Variants in RBMS3 observed in about 807,000 individuals in gnomAD.
The protein encoded by RBMS3 is RNA binding motif single stranded interacting protein 3, also known as RNA-binding motif, single-stranded-interacting protein 3.
A neutral mutation model predicts 66.8 loss-of-function variants in RBMS3; 27 were observed. That is an observed-to-expected ratio of 0.40 (90% CI 0.30 to 0.56). The LOEUF (loss-of-function observed/expected upper bound fraction) is 0.56. RBMS3 is among the 20% of genes least tolerant of loss of function. RBMS3 has a pLI of 0.40. For synonymous variants in RBMS3, 188 were observed against 183.0 expected (o/e 1.03, Z -0.22); for missense variants, 513 against 549.5 (o/e 0.93, Z 0.66).
At chr3:29,853,734 TAGTC>T (rs1349307470) in intron 6 of RBMS3, among the ~76,000 whole-genome samples, 2 of 152,172 alleles carry the variant, frequency 1.3e-5, no homozygotes, top group African/African-American at 2.4e-5. Context: ...TAGGGATTCT[TAGTC>T]AGCCTAGGAA....
chr3:29,984,305 A>G (rs1444808786), intron 12 of RBMS3, among the ~76,000 whole-genome samples: 3 of 151,824 alleles, frequency 2.0e-5, no homozygotes, highest in African/African-American at 7.3e-5. Context: ...CTAGTCAGCA[A>G]TTCCTCTAGC....
At chr3:29,745,365 ACAGT>A (rs1169502224) in intron 5 of RBMS3, among the ~76,000 whole-genome samples, 2 of 152,164 alleles carry the variant, frequency 1.3e-5, no homozygotes, top group Non-Finnish European at 2.9e-5. Flanking sequence ...GGGAATGCTG[ACAGT>A]CAGCCCCACT....
At chr3:29,534,350 T>C (rs1215334239) in intron 3 of RBMS3, among the ~76,000 whole-genome samples, 3 of 152,186 alleles carry the variant, frequency 2.0e-5, no homozygotes, top group African/African-American at 7.2e-5. Context: ...GCCTCCAAAA[T>C]TGGTAACTGA....
At chr3:29,855,716 C>T (rs1014063389) in intron 6 of RBMS3, among the ~76,000 whole-genome samples, 1 of 152,166 alleles carries the variant, frequency 6.6e-6, no homozygotes, top group Non-Finnish European at 1.5e-5. Context: ...TATCCAATGT[C>T]GGACTGAATT....
chr3:29,517,330 GT>G (rs58410966), intron 3 of RBMS3, among the ~76,000 whole-genome samples: 10 of 108,522 alleles, frequency 9.2e-5, no homozygotes, highest in African/African-American at 2.4e-4. Flanking sequence ...TTTTTTTTTT[GT>G]TTTTTTTTTG....
chr3:29,909,849 C>T (rs1040636939), intron 10 of RBMS3, among the ~76,000 whole-genome samples: 3 of 152,012 alleles, frequency 2.0e-5, no homozygotes, highest in Non-Finnish European at 4.4e-5. Context: ...TACTAACAAC[C>T]TTTAAAATGA....
At chr3:29,800,873 G>T (rs1213221457) in intron 6 of RBMS3, among the ~76,000 whole-genome samples, 1 of 151,816 alleles carries the variant, frequency 6.6e-6, no homozygotes, top group African/African-American at 2.4e-5. Flanking sequence ...AATTTTCCCA[G>T]TTCATGTGAC....
At chr3:29,454,271 T>G (rs2042108409) in intron 2 of RBMS3, among the ~76,000 whole-genome samples, 1 of 152,132 alleles carries the variant, frequency 6.6e-6, no homozygotes, top group South Asian at 2.1e-4. Flanking sequence ...GGGCACAGCA[T>G]ATTTAGAAAG....
At chr3:29,728,413 C>T (rs11710031) in intron 4 of RBMS3, among the ~76,000 whole-genome samples, 17,628 of 152,024 alleles carry the variant, frequency 0.12, 1,076 homozygotes, top group Middle Eastern at 0.24. Flanking sequence ...CAAATGATGC[C>T]GGCAATCGTG....
chr3:29,532,244 A>ATG (rs10560463), intron 3 of RBMS3, among the ~76,000 whole-genome samples: 3 of 114,740 alleles, frequency 2.6e-5, no homozygotes, highest in East Asian at 5.8e-4. Flanking sequence ...TCGCATATAT[A>ATG]TGTATATATA....
chr3:29,442,985 A>C (rs925654508), intron 2 of RBMS3, among the ~76,000 whole-genome samples: 4 of 152,106 alleles, frequency 2.6e-5, no homozygotes, highest in Non-Finnish European at 4.4e-5. Context: ...AACATCAGCT[A>C]TTCTAATGAC....
chr3:29,620,127 G>A (rs1009230362), intron 4 of RBMS3, among the ~76,000 whole-genome samples: 1 of 152,068 alleles, frequency 6.6e-6, no homozygotes, highest in Non-Finnish European at 1.5e-5. Flanking sequence ...AAAACAAATG[G>A]AAAATTTTGG....
chr3:29,529,088 G>A (rs1245304844), intron 3 of RBMS3, among the ~76,000 whole-genome samples: 1 of 152,024 alleles, frequency 6.6e-6, no homozygotes, highest in Non-Finnish European at 1.5e-5. Flanking sequence ...ATAGTCATTT[G>A]CTCTTATGTT....
intron 6 of RBMS3, among the ~76,000 whole-genome samples, chr3:29,815,719 G>T (rs1559700743): frequency 6.6e-6 from 1 of 152,128 alleles, no homozygotes; most frequent in Non-Finnish European, 1.5e-5. Flanking sequence ...TCACTTATAA[G>T]TGGGAGCTAA....
At chr3:29,754,988 A>G (rs2149371349) in intron 5 of RBMS3, among the ~76,000 whole-genome samples, 1 of 152,304 alleles carries the variant, frequency 6.6e-6, no homozygotes, top group South Asian at 2.1e-4. Context: ...AATGTTGCAT[A>G]TCTCACATAG....
chr3:29,598,591 C>A (rs1193239248), intron 4 of RBMS3, among the ~76,000 whole-genome samples: 2 of 152,020 alleles, frequency 1.3e-5, no homozygotes, highest in East Asian at 3.9e-4. Context: ...AACACACAAA[C>A]AAATACATAT....
chr3:29,969,821 G>A (rs1697110720), intron 12 of RBMS3, among the ~76,000 whole-genome samples: 1 of 152,068 alleles, frequency 6.6e-6, no homozygotes, highest in Admixed American at 6.5e-5. Context: ...TGAGTTGTAA[G>A]AAAAAAATGC....
intron 5 of RBMS3, among the ~76,000 whole-genome samples, chr3:29,750,221 A>T (rs1324344742): frequency 1.3e-5 from 2 of 152,162 alleles, no homozygotes; most frequent in African/African-American, 4.8e-5. Flanking sequence ...CAAAAGTAAG[A>T]TCTCTAAATT....
At chr3:29,824,670 A>T (rs1433157092) in intron 6 of RBMS3, among the ~76,000 whole-genome samples, 1 of 152,158 alleles carries the variant, frequency 6.6e-6, no homozygotes, top group Non-Finnish European at 1.5e-5. Flanking sequence ...ATATCAACAC[A>T]TCTACTGATG....
Sources: allele counts gnomAD v4.1 joint callset (sites outside exome capture counted in the v4.1 genomes callset), GRCh38; gene constraint gnomAD v4.1.1; transcripts MANE v1.5; gene names NCBI Gene and HGNC (gene_info 2026-07-23, HGNC 2026-07-21).